BLOC1S5: variants seen among roughly 807,000 people sequenced by gnomAD.
BLOC1S5 encodes the protein biogenesis of lysosome-related organelles complex 1 subunit 5.
In BLOC1S5, 27 loss-of-function variants were observed where a neutral mutation model predicts 24.3. The ratio of observed to expected loss-of-function variants is 1.11; its 90% CI spans 0.82 to 1.53. BLOC1S5 has a LOEUF of 1.53. Ranked by LOEUF, BLOC1S5 falls within the 40% of genes most tolerant of loss-of-function variation. The pLI is 0.00. For synonymous variants in BLOC1S5, 84 were observed against 74.5 expected (o/e 1.13, Z -0.66); for missense variants, 239 against 229.4 (o/e 1.04, Z -0.27).
chr6:8,018,063 C>G (rs982379783), intron 4 of BLOC1S5: 4 of 152,242 alleles, frequency 2.6e-5, no homozygotes, highest in African/African-American at 9.7e-5. Flanking sequence ...AAACTTTGCT[C>G]TAAAATATGT....
At chr6:8,050,833 G>T (rs1318740213) in intron 2 of BLOC1S5, among the ~76,000 whole-genome samples, 1 of 151,812 alleles carries the variant, frequency 6.6e-6, no homozygotes, top group Non-Finnish European at 1.5e-5. Context: ...TTGAACTCCT[G>T]ACTTCAGGTG....
chr6:8,057,393 A>G (rs1460965872), intron 2 of BLOC1S5, among the ~76,000 whole-genome samples: 1 of 152,204 alleles, frequency 6.6e-6, no homozygotes, highest in Non-Finnish European at 1.5e-5. Context: ...TCACACAAGG[A>G]AGAATATACT....
intron 4 of BLOC1S5, among the ~76,000 whole-genome samples, chr6:8,017,385 A>AAC (rs59166291): frequency 0.017 from 2,574 of 149,398 alleles, 78 homozygotes; most frequent in African/African-American, 0.06. Context: ...CTCAAAAACA[A>AAC]ACACACACAC....
At chr6:8,023,122 G>A (rs375200552) in intron 4 of BLOC1S5, among the ~76,000 whole-genome samples, 42 of 152,122 alleles carry the variant, frequency 2.8e-4, no homozygotes, top group African/African-American at 9.2e-4. Flanking sequence ...CATCTCCACC[G>A]GTGGCATATT....
chr6:8,050,086 T>C (rs957686834), intron 2 of BLOC1S5, among the ~76,000 whole-genome samples: 3 of 152,220 alleles, frequency 2.0e-5, no homozygotes, highest in Non-Finnish European at 2.9e-5. Context: ...TTTTTACAAA[T>C]TGAAGGTTTG....
At chr6:8,047,836 T>C (rs1763959481) in intron 2 of BLOC1S5, among the ~76,000 whole-genome samples, 1 of 152,222 alleles carries the variant, frequency 6.6e-6, no homozygotes, top group Admixed American at 6.5e-5. Context: ...CAACAGCATC[T>C]TGGTAGCATT....
In BLOC1S5 at chr6:8,064,331, G is replaced by C. The variant is rs765230623; in HGVS notation, c.46C>G (p.Pro16Ala). Residue 16 changes from proline (P) to alanine (A), a missense_variant, in exon 1 of 5, where the codon CCG becomes GCG. Pro to Ala is a conservative substitution (Grantham distance 27). Transcript: ENST00000397457. ...TETPVGCEAA[P>A]GGGSKKRDSL... Reference sequence around the variant, plus strand: ...TCCCTCTTCTTGCTGCCACCGCCCGGGGCGGCCTCACAACCCACAGGGGTC... The same window carrying C: ...TCCCTCTTCTTGCTGCCACCGCCCGCGGCGGCCTCACAACCCACAGGGGTC... 7 of 1,613,158 alleles carry C rather than the reference G, an allele frequency of 4.3e-6. No homozygotes were observed. The Admixed American group carries it at 1.2e-4, about 27-fold the overall frequency.
At chr6:8,045,718 C>G (rs922623411) in intron 2 of BLOC1S5, among the ~76,000 whole-genome samples, 1 of 152,176 alleles carries the variant, frequency 6.6e-6, no homozygotes. Context: ...AATTTGATTG[C>G]CCCACTGGAT....
At chr6:8,063,133 CT>C (rs1367307809) in intron 1 of BLOC1S5, among the ~76,000 whole-genome samples, 1 of 151,848 alleles carries the variant, frequency 6.6e-6, no homozygotes, top group Non-Finnish European at 1.5e-5. Context: ...AAAATATTTC[CT>C]TTTGGGATAT....
intron 2 of BLOC1S5, among the ~76,000 whole-genome samples, chr6:8,042,654 C>G (rs529145946): frequency 2.6e-5 from 4 of 152,074 alleles, no homozygotes; most frequent in Non-Finnish European, 5.9e-5. Context: ...TTTTTTAGCT[C>G]ATCAGCTATT....
intron 2 of BLOC1S5, among the ~76,000 whole-genome samples, chr6:8,049,461 A>C (rs1440352922): frequency 2.0e-5 from 3 of 152,106 alleles, no homozygotes; most frequent in Non-Finnish European, 2.9e-5. Flanking sequence ...TTTTTCTGTA[A>C]ATTTTACTTG....
At chr6:8,054,077 A>G (rs1764228733) in intron 2 of BLOC1S5, among the ~76,000 whole-genome samples, 1 of 152,220 alleles carries the variant, frequency 6.6e-6, no homozygotes. Context: ...AACTTTGTAT[A>G]TAACACCTTC....
At position 8,026,260 on chromosome 6, in the gene BLOC1S5, T is replaced by C. The variant is rs1763099333; in HGVS notation, c.384+107A>G. On this transcript the variant is annotated intron_variant, in intron 4 of 4. Coordinates refer to ENST00000397457, the MANE Select transcript of BLOC1S5 (RefSeq NM_201280.3). ...TCAATGAATCAGCCATTTTAAAATA[T>C]GTAAAACTCACTGCATTCAGAGAAT... 4 of 847,628 alleles carry C rather than the reference T, an allele frequency of 4.7e-6. No individual in the cohort carries two copies. In the East Asian group the frequency reaches 7.9e-5, roughly 17 times the overall value. The allele number at this position is 847,628 out of a possible 1,614,324, so 52.5% of individuals were successfully genotyped here.
chr6:8,037,529 A>G (rs1294282584), intron 3 of BLOC1S5, among the ~76,000 whole-genome samples: 1 of 152,220 alleles, frequency 6.6e-6, no homozygotes, highest in African/African-American at 2.4e-5. Flanking sequence ...GAATGCCATT[A>G]AAGTGACAAT....
chr6:8,016,304 T>C (rs1762731446), intron 4 of BLOC1S5, among the ~76,000 whole-genome samples: 1 of 150,510 alleles, frequency 6.6e-6, no homozygotes, highest in Non-Finnish European at 1.5e-5. Context: ...CTAGCCTGGG[T>C]GACAGAGTGA....
At chr6:8,015,936 A>T in intron 4 of BLOC1S5, 108 bp from the exon 5 acceptor site, 1 of 1,022,240 alleles carries the variant, frequency 9.8e-7, no homozygotes, top group Non-Finnish European at 1.4e-6. Context: ...AGTCACAAGG[A>T]AAAAGTTGTG....
chr6:8,049,344 C>G (rs1184808391), intron 2 of BLOC1S5, among the ~76,000 whole-genome samples: 1 of 149,112 alleles, frequency 6.7e-6, no homozygotes, highest in Non-Finnish European at 1.5e-5. Context: ...GCACTCCAGC[C>G]TGGGGGACAA....
intron 2 of BLOC1S5, among the ~76,000 whole-genome samples, chr6:8,051,917 A>G (rs1194446776): frequency 6.6e-6 from 1 of 151,690 alleles, no homozygotes; most frequent in African/African-American, 2.4e-5. Flanking sequence ...CCTGATGGAG[A>G]TAGACAAGAA....
intron 2 of BLOC1S5, among the ~76,000 whole-genome samples, chr6:8,050,601 C>CTT (rs35623258): frequency 1.2e-3 from 165 of 137,818 alleles, no homozygotes; most frequent in Admixed American, 1.4e-3. Context: ...GGAAAAGAAA[C>CTT]TTTTTTTTTT....
Sources: allele counts gnomAD v4.1 joint callset (sites outside exome capture counted in the v4.1 genomes callset), GRCh38; gene constraint gnomAD v4.1.1; transcripts MANE v1.5; gene names NCBI Gene and HGNC (gene_info 2026-07-23, HGNC 2026-07-21).